The following CLEC1B variants were observed in gnomAD, a reference collection of about 807,000 sequenced individuals.
The protein encoded by CLEC1B is C-type lectin domain family 1 member B, also known as C-type lectin-like receptor 2.
In CLEC1B, 26 loss-of-function variants were observed where a neutral mutation model predicts 26.7. The ratio of observed to expected loss-of-function variants is 0.97; its 90% CI spans 0.71 to 1.35. CLEC1B has a LOEUF of 1.35. Among genes scored for constraint, CLEC1B ranks in the 40% most tolerant of loss-of-function variants. The pLI is 0.00. For missense variants in CLEC1B, 293 were observed against 282.6 expected, an observed-to-expected ratio of 1.04 and a Z score of -0.26; for synonymous variants, 112 against 96.0, an observed-to-expected ratio of 1.17 and a Z score of -0.97.
Position 9,995,218 on chromosome 12 carries a change from A to G in CLEC1B, c.467T>C (p.Ile156Thr), listed in dbSNP as rs774498822. 6.2e-7 allele frequency: 1 copy of G among 1,613,136 alleles called. No individual in the cohort carries two copies. The change falls in exon 5 of 6, where the codon ATT (isoleucine) becomes ACT (threonine). Residue 156 changes from isoleucine to threonine, a missense_variant. Transcript: ENST00000298527. ...VEYIKARTHL[I>T]RWVGLSRQKS... ...CTGGCGAGATAATCCGACCCAACGA[A>G]TTAAATGAGTCCTGGCTTTGATGTA...
At chr12:9,997,431 G>A in intron 2 of CLEC1B, 152 bp from the exon 3 acceptor site, 1 of 681,934 alleles carries the variant, frequency 1.5e-6, no homozygotes, top group Non-Finnish European at 2.4e-6. Context: ...AAGTGTGGAG[G>A]GGCTATAAAG....
In CLEC1B at chr12:9,997,169, C is replaced by T; in HGVS notation, c.274G>A (p.Gly92Ser). The stretch of plus-strand genomic sequence containing the variant: ...AAAAAACAATACTTACTGAAAGTGC[C>T]CTTTAGTTCTGATTGTTTTACCACA... ...QYVVKQSELK[G>S]TFKGHKCSPC... The change falls in exon 3 of 6, where the codon GGC (glycine) becomes AGC (serine). Residue 92 changes from glycine (G) to serine (S), a missense_variant. By Grantham distance (56) the Gly-to-Ser change is moderately conservative. Transcript: ENST00000298527. 6.2e-7 allele frequency: 1 copy of T among 1,613,788 alleles called. No individual in the cohort carries two copies. The highest frequency in any genetic ancestry group is 8.5e-7 in the Non-Finnish European group (1 of 1,179,902).
In CLEC1B at chr12:9,993,162, T is replaced by C. The variant is rs199859311; in HGVS notation, c.671A>G (p.Lys224Arg). ...TTTGCATTAAGGTAGTTGGTCCACC[T>C]TGGTCATGCCAGCCTTCCTCTCACA... ...LMCERKAGMTKVDQLP is the reference protein window; with the variant it reads ...LMCERKAGMTRVDQLP The change falls in exon 6 of 6, where the codon AAG becomes AGG. Residue 224 changes from lysine to arginine, a missense_variant. Coordinates refer to ENST00000298527, the MANE Select transcript of CLEC1B (RefSeq NM_016509.4). 6.2e-7 allele frequency: 1 copy of C among 1,611,416 alleles called. No homozygotes were observed. Among genetic ancestry groups the C allele is most frequent in the Non-Finnish European group, 8.5e-7 (1 of 1,178,742 alleles).
At chr12:9,998,468 C>A in intron 1 of CLEC1B, 88 bp from the exon 2 acceptor site, 1 of 882,706 alleles carries the variant, frequency 1.1e-6, no homozygotes, top group South Asian at 1.3e-5. Flanking sequence ...CCTGCCTTCT[C>A]AGGGTCCTCC....
At chr12:9,997,478 G>T (rs920689553) in intron 2 of CLEC1B, among the ~76,000 whole-genome samples, 199 bp from the exon 3 acceptor site, 1 of 152,014 alleles carries the variant, frequency 6.6e-6, no homozygotes, top group Non-Finnish European at 1.5e-5. Context: ...ACGCCTGAGG[G>T]TTAATAAGTG....
At chr12:10,001,217 G>C (rs1441294993), upstream of CLEC1B, among the ~76,000 whole-genome samples, 1 of 152,160 alleles carries the variant, frequency 6.6e-6, no homozygotes, top group Non-Finnish European at 1.5e-5. Flanking sequence ...TCTAGGACTT[G>C]AGCAGCTGAT....
chr12:9,998,253 G>C (rs1269156238), intron 2 of CLEC1B, 29 bp downstream of exon 2: 2 of 1,570,948 alleles, frequency 1.3e-6, no homozygotes, highest in African/African-American at 2.7e-5. Context: ...CCTTCCTCCA[G>C]TCAAATTTCT....
upstream of CLEC1B, among the ~76,000 whole-genome samples, chr12:10,001,246 C>T (rs1400081321): frequency 6.6e-6 from 1 of 152,038 alleles, no homozygotes; most frequent in Non-Finnish European, 1.5e-5. Flanking sequence ...AAAACATGTC[C>T]CATGTATTTT....
rs144173283 is a variant in CLEC1B, at chr12:9,993,765, C to G, written c.546-478G>C. ...GGATTTATGTTGCAAGATAAATCAT[C>G]TAACACAGCAGGCTGTATTGTAATT... On this transcript the variant is annotated intron_variant, in intron 5 of 5. Transcript: ENST00000298527. 4.6e-4 allele frequency among the ~76,000 whole-genome samples: 70 copies of G among 152,254 alleles called. No individual in the cohort carries two copies. The East Asian group carries it at 8.1e-3, about 18-fold the overall frequency.
At chr12:9,993,394 A>T in intron 5 of CLEC1B, 107 bp from the exon 6 acceptor site, 11 of 630,354 alleles carry the variant, frequency 1.7e-5, no homozygotes, top group Non-Finnish European at 2.7e-5. Flanking sequence ...TGAGGAAAAT[A>T]GGAAAAAAAA....
At chr12:10,000,499 T>TA (rs143795772), upstream of CLEC1B, among the ~76,000 whole-genome samples, 548 of 151,532 alleles carry the variant, frequency 3.6e-3, 3 homozygotes, top group East Asian at 9.3e-3. Context: ...AATTCTTAAT[T>TA]AAAAAAAAAC....
chr12:9,997,319 A>G (rs753895219), intron 2 of CLEC1B, 40 bp from the exon 3 acceptor site: 14 of 1,565,092 alleles, frequency 8.9e-6, no homozygotes, highest in Non-Finnish European at 1.2e-5. Flanking sequence ...TGTAATTAGA[A>G]CCATAGAAAT....
At chr12:9,998,946 CTATA>C in intron 1 of CLEC1B, 87 bp downstream of exon 1, 1 of 754,762 alleles carries the variant, frequency 1.3e-6, no homozygotes, top group Admixed American at 2.3e-5. Context: ...AGAAATTAAA[CTATA>C]TATATTATCA....
upstream of CLEC1B, among the ~76,000 whole-genome samples, chr12:10,000,185 A>G (rs902180199): frequency 6.6e-6 from 1 of 152,090 alleles, no homozygotes; most frequent in Non-Finnish European, 1.5e-5. Flanking sequence ...TTTGAATTCT[A>G]TTTTTCTTTA....
At chr12:9,996,093 G>A (rs1865038887) in intron 4 of CLEC1B, among the ~76,000 whole-genome samples, 1 of 152,112 alleles carries the variant, frequency 6.6e-6, no homozygotes, top group Non-Finnish European at 1.5e-5. Flanking sequence ...AATGACTTGA[G>A]CTTCTTGACA....
upstream of CLEC1B, among the ~76,000 whole-genome samples, chr12:10,000,421 C>T (rs1249235980): frequency 6.6e-5 from 10 of 152,060 alleles, no homozygotes; most frequent in East Asian, 1.9e-3. Context: ...AAGCATAACA[C>T]GTATAAAAGA....
intron 5 of CLEC1B, among the ~76,000 whole-genome samples, chr12:9,993,954 C>A (rs929465227): frequency 6.6e-6 from 1 of 152,010 alleles, no homozygotes; most frequent in Non-Finnish European, 1.5e-5. Flanking sequence ...TAATGTCTTT[C>A]TTGTTGGGGA....
At chr12:10,001,076 T>C (rs923980937), upstream of CLEC1B, among the ~76,000 whole-genome samples, 3 of 152,220 alleles carry the variant, frequency 2.0e-5, no homozygotes, top group Admixed American at 6.5e-5. Flanking sequence ...TTAAATCAGA[T>C]ATGTAAAGGT....
rs1220137457 is a variant in CLEC1B at position 9,997,375 on chromosome 12, A to G, written c.164-96T>C. On this transcript the variant is annotated intron_variant, in intron 2 of 5. Coordinates refer to ENST00000298527, the MANE Select transcript of CLEC1B (RefSeq NM_016509.4). ...AATTTTCATTTCCTTAACTTTGCCA[A>G]TATATGAGGAGTTTACTAGATACAC... is the stretch of plus-strand genomic sequence containing the variant. 73 of 1,115,768 alleles carry G rather than the reference A, an allele frequency of 6.5e-5. No individual in the cohort carries two copies. In the East Asian group the frequency reaches 1.4e-3, roughly 22 times the overall value. The allele number at this position is 1,115,768 out of a possible 1,614,324, so 69.1% of individuals were successfully genotyped here. A position where few individuals can be genotyped will look rare whatever the true frequency, so the allele number is the denominator to read the frequency against.
Sources: allele counts gnomAD v4.1 joint callset (sites outside exome capture counted in the v4.1 genomes callset), GRCh38; gene constraint gnomAD v4.1.1; transcripts MANE v1.5; gene names NCBI Gene and HGNC (gene_info 2026-07-23, HGNC 2026-07-21).